Variants in SPACDR observed in about 807,000 individuals in gnomAD.
SPACDR encodes uncharacterized protein C7orf61.
At chr7:100,464,055 G>A in the SPACDR span, 1 of 1,530,348 alleles carries the variant, frequency 6.5e-7, no homozygotes, top group African/African-American at 1.4e-5. Context: ...ACAGAAGAAA[G>A]GGCAGAGCTA....
chr7:100,460,277 G>A, the SPACDR span, among the ~76,000 whole-genome samples: 5 of 150,894 alleles, frequency 3.3e-5, no homozygotes, highest in Non-Finnish European at 7.4e-5. Flanking sequence ...TGATAACTGC[G>A]TGGTTAGTTT....
At chr7:100,459,352 G>A in the SPACDR span, among the ~76,000 whole-genome samples, 2 of 149,252 alleles carry the variant, frequency 1.3e-5, no homozygotes, top group African/African-American at 2.5e-5. Flanking sequence ...GCCCAGGCTG[G>A]AGTGCAGTGG....
chr7:100,457,155 T>G, the SPACDR span, among the ~76,000 whole-genome samples: 6 of 151,874 alleles, frequency 4.0e-5, no homozygotes, highest in African/African-American at 1.5e-4. Flanking sequence ...CATCAAATGT[T>G]TGTCATTTCT....
At chr7:100,456,880 C>A in the SPACDR span, 1 of 1,613,608 alleles carries the variant, frequency 6.2e-7, no homozygotes, top group Non-Finnish European at 8.5e-7. Context: ...TGTTTCCGAA[C>A]GGCCCACAGC....
the SPACDR span, among the ~76,000 whole-genome samples, chr7:100,457,797 A>ATG: frequency 5.1e-3 from 113 of 22,048 alleles, no homozygotes; most frequent in African/African-American, 0.017. Flanking sequence ...ACTTTTATAT[A>ATG]TATATATGTG....
chr7:100,462,244 C>T, the SPACDR span, among the ~76,000 whole-genome samples: 9 of 151,974 alleles, frequency 5.9e-5, no homozygotes, highest in Non-Finnish European at 1.2e-4. Context: ...GATGGAGTCT[C>T]GCTCTGTCGC....
chr7:100,464,235 G>T, the SPACDR span: 1 of 1,438,086 alleles, frequency 7.0e-7, no homozygotes. Context: ...TCCCCTCCCT[G>T]GGACAGGGAG....
At chr7:100,456,749 C>T in the SPACDR span, 2 of 1,597,226 alleles carry the variant, frequency 1.3e-6, no homozygotes, top group Non-Finnish European at 1.7e-6. Flanking sequence ...TCTGGGGTTC[C>T]CCCTAGAGGG....
the SPACDR span, among the ~76,000 whole-genome samples, chr7:100,457,856 TA>T: frequency 2.8e-3 from 329 of 118,186 alleles, 2 homozygotes; most frequent in African/African-American, 8.1e-3. Flanking sequence ...TATATATATA[TA>T]TTTTTTTTTT....
the SPACDR span, chr7:100,456,655 A>T: frequency 1.2e-6 from 1 of 806,208 alleles, no homozygotes. Context: ...CAATATTTTG[A>T]TACTTGTTTT....
chr7:100,462,917 T>TCG, the SPACDR span, among the ~76,000 whole-genome samples: 1 of 149,110 alleles, frequency 6.7e-6, no homozygotes, highest in Admixed American at 6.6e-5. Flanking sequence ...CGAGACCAGC[T>TCG]TGGCCTCGTG....
chr7:100,462,935 C>G, the SPACDR span, among the ~76,000 whole-genome samples: 1 of 149,652 alleles, frequency 6.7e-6, no homozygotes, highest in Non-Finnish European at 1.5e-5. Context: ...GTGGTGAAAC[C>G]CTGTCTCTAC....
the SPACDR span, among the ~76,000 whole-genome samples, chr7:100,459,498 C>T: frequency 4.6e-5 from 7 of 151,282 alleles, 1 homozygote; most frequent in South Asian, 2.1e-4. Flanking sequence ...CCATGTTGGC[C>T]GGGCTGGTCT....
chr7:100,457,850 TATATATA>T, the SPACDR span, among the ~76,000 whole-genome samples: 2 of 124,218 alleles, frequency 1.6e-5, no homozygotes, highest in African/African-American at 6.3e-5. Context: ...TGTATATATA[TATATATA>T]TTTTTTTTTT....
chr7:100,457,833 G>GTGTGTGTA, the SPACDR span, among the ~76,000 whole-genome samples: 4 of 113,406 alleles, frequency 3.5e-5, no homozygotes, highest in African/African-American at 1.5e-4. Flanking sequence ...GTGTGTGTGT[G>GTGTGTGTA]TGTGTGTGTA....
At chr7:100,463,717 G>C in the SPACDR span, 1 of 1,574,132 alleles carries the variant, frequency 6.4e-7, no homozygotes, top group Non-Finnish European at 8.7e-7. Context: ...AGGAGAGACA[G>C]GAGAGAGGGG....
chr7:100,457,100 A>G, the SPACDR span: 2 of 648,116 alleles, frequency 3.1e-6, no homozygotes, highest in East Asian at 2.8e-5. Context: ...CTCTCCCATC[A>G]GCCCAACTCA....
the SPACDR span, among the ~76,000 whole-genome samples, chr7:100,457,762 A>G: frequency 6.8e-6 from 1 of 147,440 alleles, no homozygotes; most frequent in Non-Finnish European, 1.5e-5. Context: ...CTGGGACTAC[A>G]GTCGTGCACC....
At chr7:100,463,483 G>A in the SPACDR span, 8 of 1,613,714 alleles carry the variant, frequency 5.0e-6, no homozygotes, top group East Asian at 2.2e-5. Flanking sequence ...GCTCCACCTC[G>A]GTCTCCTCTG....
Sources: allele counts gnomAD v4.1 joint callset (sites outside exome capture counted in the v4.1 genomes callset), GRCh38; gene constraint gnomAD v4.1.1; transcripts MANE v1.5; gene names NCBI Gene and HGNC (gene_info 2026-07-23, HGNC 2026-07-21).